Variants in SGSM1 observed in about 807,000 individuals in gnomAD.
The protein encoded by SGSM1 is RUN and TBC1 domain containing 2.
A neutral mutation model predicts 133.8 loss-of-function variants in SGSM1; 73 were observed. The ratio of observed to expected loss-of-function variants is 0.55; its 90% CI spans 0.45 to 0.66. The LOEUF (loss-of-function observed/expected upper bound fraction) is 0.66, where lower values mean the gene tolerates loss of function less well. Ranked by LOEUF, SGSM1 falls within the 30% of genes least tolerant of loss-of-function variation. The pLI is 0.00. For missense variants in SGSM1, 1,213 were observed against 1,448.1 expected (o/e 0.84, Z 2.64); for synonymous variants, 563 against 573.0 (o/e 0.98, Z 0.25).
intron 8 of SGSM1, among the ~76,000 whole-genome samples, chr22:24,857,570 A>G (rs1345651824): frequency 6.6e-6 from 1 of 152,186 alleles, no homozygotes; most frequent in Non-Finnish European, 1.5e-5. Flanking sequence ...TATCACTTTT[A>G]TAAGTAACAC....
chr22:24,895,366 CGTCATCTGTAG>C (rs1932891402), intron 18 of SGSM1, 75 bp downstream of exon 18: 1 of 1,426,758 alleles, frequency 7.0e-7, no homozygotes. Flanking sequence ...GTTGGGTGTC[CGTCATCTGTAG>C]GTCACTTTTT....
At chr22:24,907,208 T>C (rs1337766273) in intron 21 of SGSM1, among the ~76,000 whole-genome samples, 1 of 151,390 alleles carries the variant, frequency 6.6e-6, no homozygotes, top group Non-Finnish European at 1.5e-5. Context: ...TGCAGTGAGC[T>C]GAGATTGCGC....
intron 2 of SGSM1, among the ~76,000 whole-genome samples, chr22:24,835,012 C>T (rs887976667): frequency 6.6e-6 from 1 of 152,124 alleles, no homozygotes; most frequent in African/African-American, 2.4e-5. Context: ...ATACGTTATT[C>T]TCTGCGTTCA....
At chr22:24,821,888 G>T (rs1928492740) in intron 2 of SGSM1, among the ~76,000 whole-genome samples, 1 of 152,022 alleles carries the variant, frequency 6.6e-6, no homozygotes, top group African/African-American at 2.4e-5. Flanking sequence ...CGGCCAGAGT[G>T]GTACCTTTGT....
chr22:24,855,277 C>G lies in SGSM1; in HGVS notation c.524-8C>G, dbSNP rs773069954. On this transcript the variant is annotated splice_region_variant and splice_polypyrimidine_tract_variant and intron_variant, in intron 6 of 24. Coordinates refer to ENST00000400358, the MANE Select transcript of SGSM1 (RefSeq NM_001098497.3). Reference sequence around the variant, plus strand: ...GCAGTGGGTTTCCAGCCCCCACATGCCCCTCAGTGGGGCCCTGTGCCCTAG... The same window carrying G: ...GCAGTGGGTTTCCAGCCCCCACATGGCCCTCAGTGGGGCCCTGTGCCCTAG... 1.2e-6 allele frequency: 2 copies of G among 1,607,180 alleles called. No homozygotes were observed. The highest frequency in any genetic ancestry group is 1.7e-5 in the Admixed American group (1 of 58,944).
intron 2 of SGSM1, among the ~76,000 whole-genome samples, chr22:24,832,030 G>A (rs749395690): frequency 3.9e-5 from 6 of 152,184 alleles, no homozygotes; most frequent in Non-Finnish European, 7.4e-5. Context: ...GAGGCCCCCC[G>A]GAATCCTGGC....
intron 2 of SGSM1, among the ~76,000 whole-genome samples, chr22:24,826,820 C>T (rs57653774): frequency 1.1e-4 from 17 of 152,148 alleles, no homozygotes; most frequent in African/African-American, 2.7e-4. Flanking sequence ...ATGGTGTGCC[C>T]GGCCCTGTTC....
intron 2 of SGSM1, among the ~76,000 whole-genome samples, chr22:24,841,067 G>C (rs529233641): frequency 6.6e-6 from 1 of 151,768 alleles, no homozygotes; most frequent in Non-Finnish European, 1.5e-5. Flanking sequence ...AGCCAAGATG[G>C]TCTCGATCTC....
rs1372632342 is a variant in SGSM1 at position 24,925,350 on chromosome 22, C to G, written c.*1076C>G. The stretch of plus-strand genomic sequence containing the variant: ...CCAGCCCGGGCGACAGTTCAAGACT[C>G]CATCTCAAAAAAAAAAAGAAAAGGC... On this transcript the variant is annotated 3_prime_UTR_variant, in exon 25 of 25. Transcript: ENST00000400358. 4 of 144,390 alleles carry G rather than the reference C, an allele frequency of 2.8e-5. No individual in the cohort carries two copies. The highest frequency in any genetic ancestry group is 9.8e-5 in the African/African-American group (4 of 40,804). 8.9% of individuals were successfully genotyped at this position (144,390 alleles called of 1,614,324 possible).
chr22:24,886,495 G>A, intron 15 of SGSM1, 105 bp from the exon 16 acceptor site: 1 of 1,409,862 alleles, frequency 7.1e-7, no homozygotes, highest in East Asian at 2.6e-5. Context: ...CTGAAGGTCA[G>A]GAGTTCAAGA....
At chr22:24,814,876 C>T (rs914327114) in intron 2 of SGSM1, among the ~76,000 whole-genome samples, 1 of 152,210 alleles carries the variant, frequency 6.6e-6, no homozygotes, top group African/African-American at 2.4e-5. Context: ...TGGCTGGCTG[C>T]ATCGCCATCA....
intron 2 of SGSM1, among the ~76,000 whole-genome samples, chr22:24,815,481 G>A (rs1049379687): frequency 5.9e-5 from 9 of 152,196 alleles, no homozygotes; most frequent in African/African-American, 9.7e-5. Flanking sequence ...AGTGGCTCAC[G>A]CCTGTGATTC....
rs1274842550 is a variant in SGSM1, at chr22:24,876,729, G to C, written c.1430+14G>C. The C allele has an allele frequency of 6.2e-7, 1 of 1,613,916 alleles. No homozygotes were observed. Among genetic ancestry groups the C allele is most frequent in the East Asian group, 2.2e-5 (1 of 44,874 alleles). On this transcript the variant is annotated intron_variant, in intron 13 of 24. Transcript: ENST00000400358. ...CAACCATGAGAGGTATGAGGGGCTTGAGCTGCAGATGGAGAGAGCTGAAGG... is the reference window on the plus strand; with the variant it reads ...CAACCATGAGAGGTATGAGGGGCTTCAGCTGCAGATGGAGAGAGCTGAAGG...
intron 12 of SGSM1, chr22:24,874,566 G>C (rs748650038): frequency 6.2e-7 from 1 of 1,602,640 alleles, no homozygotes; most frequent in East Asian, 2.3e-5. Context: ...CAAGCCCGAA[G>C]GAGCAGCCCC....
At chr22:24,870,959 C>G (rs1364594356) in intron 12 of SGSM1, among the ~76,000 whole-genome samples, 1 of 152,232 alleles carries the variant, frequency 6.6e-6, no homozygotes, top group Non-Finnish European at 1.5e-5. Flanking sequence ...CTCTCCCTTA[C>G]TGATGTGCCT....
intron 24 of SGSM1, among the ~76,000 whole-genome samples, chr22:24,922,001 AAT>A (rs1239663353): frequency 6.6e-6 from 1 of 152,080 alleles, no homozygotes; most frequent in Admixed American, 6.6e-5. Flanking sequence ...GTGCCTAGCC[AAT>A]AATACATATA....
chr22:24,837,766 A>G (rs979070083), intron 2 of SGSM1, among the ~76,000 whole-genome samples: 4 of 152,210 alleles, frequency 2.6e-5, no homozygotes, highest in Non-Finnish European at 5.9e-5. Context: ...TCTAATGGTC[A>G]CACCTCACTA....
In SGSM1 at chr22:24,868,557, C is replaced by T. The variant is rs1569155743; in HGVS notation, c.1158+18C>T. On this transcript the variant is annotated intron_variant, in intron 11 of 24. Coordinates refer to ENST00000400358, the MANE Select transcript of SGSM1 (RefSeq NM_001098497.3). ...GGGGTAAGGTGAGTGATCATCGGGA[C>T]CCAGGGAGGCTGGGGTGGAGGCTGG... The T allele has an allele frequency of 6.2e-7, 1 of 1,613,490 alleles. No individual in the cohort carries two copies. The highest frequency in any genetic ancestry group is 8.5e-7 in the Non-Finnish European group (1 of 1,179,774).
At chr22:24,865,819 G>A (rs919805532) in intron 9 of SGSM1, among the ~76,000 whole-genome samples, 1 of 152,180 alleles carries the variant, frequency 6.6e-6, no homozygotes, top group Non-Finnish European at 1.5e-5. Context: ...ACACAGCATG[G>A]CTCTAAGAAC....
Sources: gnomAD v4.1 joint callset for allele counts (sites outside exome capture counted in the v4.1 genomes callset) on GRCh38, gnomAD v4.1.1 for gene constraint, MANE v1.5 for transcripts, NCBI Gene and HGNC (gene_info 2026-07-23, HGNC 2026-07-21) for gene names.